KIAA1549L: variants seen among roughly 807,000 people sequenced by gnomAD.
KIAA1549L encodes UPF0606 protein KIAA1549L.
In KIAA1549L, 88 loss-of-function variants were observed where a neutral mutation model predicts 160.7. That is an observed-to-expected ratio of 0.55 (90% CI 0.46 to 0.65). The LOEUF is 0.65. Among genes scored for constraint, KIAA1549L ranks in the 30% least tolerant of loss-of-function variants. KIAA1549L has a pLI of 0.00. For missense variants in KIAA1549L, 2,258 were observed against 2,437.5 expected, an observed-to-expected ratio of 0.93 and a Z score of 1.55; for synonymous variants, 950 against 976.7, an observed-to-expected ratio of 0.97 and a Z score of 0.51.
chr11:33,421,331 T>G (rs1001012412), intron 1 of KIAA1549L, among the ~76,000 whole-genome samples: 10 of 152,214 alleles, frequency 6.6e-5, no homozygotes, highest in Non-Finnish European at 1.3e-4. Context: ...AGAGGAAAGC[T>G]CCCCTGGTGG....
rs1852549842 is a variant in KIAA1549L, at chr11:33,668,177, G to C, written c.*23G>C. On this transcript the variant is annotated 3_prime_UTR_variant, in exon 21 of 21. Transcript: ENST00000658780. ...TAACGCCTTAGCCCCGTGGGACTCT[G>C]GACTTCCAAACTCTGAGGACTCAGC... The C allele has an allele frequency of 1.2e-6, 2 of 1,601,710 alleles. No homozygotes were observed. Among genetic ancestry groups the C allele is most frequent in the African/African-American group, 1.3e-5 (1 of 74,672 alleles).
intron 13 of KIAA1549L, among the ~76,000 whole-genome samples, chr11:33,604,084 G>T (rs569639385): frequency 6.6e-6 from 1 of 152,284 alleles, no homozygotes; most frequent in African/African-American, 2.4e-5. Flanking sequence ...GAGGTGGAAG[G>T]TTGTTTAGAA....
intron 1 of KIAA1549L, among the ~76,000 whole-genome samples, chr11:33,523,837 T>C (rs1373999643): frequency 6.6e-6 from 1 of 152,238 alleles, no homozygotes; most frequent in Admixed American, 6.5e-5. Flanking sequence ...ATTGCACAGA[T>C]GTGATCACAG....
intron 11 of KIAA1549L, 56 bp from the exon 12 acceptor site, chr11:33,591,181 T>C (rs1020219860): frequency 9.1e-5 from 120 of 1,311,650 alleles, no homozygotes; most frequent in Non-Finnish European, 1.3e-4. Flanking sequence ...CTTAAAGCCA[T>C]GGTTAGAGTC....
chr11:33,552,855 A>G (rs1006261191), intron 6 of KIAA1549L, among the ~76,000 whole-genome samples: 1 of 152,238 alleles, frequency 6.6e-6, no homozygotes, highest in East Asian at 1.9e-4. Flanking sequence ...AACTTCCAGA[A>G]GGTCACACGG....
chr11:33,662,858 A>G (rs1852313014), intron 20 of KIAA1549L, among the ~76,000 whole-genome samples: 1 of 152,186 alleles, frequency 6.6e-6, no homozygotes, highest in Non-Finnish European at 1.5e-5. Context: ...GCAAATGGAA[A>G]TGTAACCTTC....
At chr11:33,526,340 C>A (rs192112019) in intron 1 of KIAA1549L, among the ~76,000 whole-genome samples, 16 of 152,350 alleles carry the variant, frequency 1.1e-4, no homozygotes, top group Non-Finnish European at 1.9e-4. Flanking sequence ...CATGTGACAA[C>A]TTCACTGCTA....
intron 1 of KIAA1549L, among the ~76,000 whole-genome samples, chr11:33,499,643 C>T (rs1852899204): frequency 6.6e-6 from 1 of 152,218 alleles, no homozygotes; most frequent in African/African-American, 2.4e-5. Context: ...TTTGGATCAA[C>T]TTGTAGGACC....
intron 1 of KIAA1549L, among the ~76,000 whole-genome samples, chr11:33,408,971 A>AAAAAAAC (rs1850731764): frequency 6.7e-6 from 1 of 149,158 alleles, no homozygotes; most frequent in Non-Finnish European, 1.5e-5. Context: ...AAAAAAAAAA[A>AAAAAAAC]TTAGGTATCC....
At chr11:33,413,061 G>A (rs1850815017) in intron 1 of KIAA1549L, among the ~76,000 whole-genome samples, 1 of 152,074 alleles carries the variant, frequency 6.6e-6, no homozygotes, top group African/African-American at 2.4e-5. Flanking sequence ...AGCCAGGTCT[G>A]GGGAACATGA....
At chr11:33,655,923 GT>G in intron 17 of KIAA1549L, 88 bp from the exon 18 acceptor site, 2 of 857,800 alleles carry the variant, frequency 2.3e-6, no homozygotes, top group Non-Finnish European at 3.9e-6. Flanking sequence ...ACCCTTGGAA[GT>G]TTGCTTCCTC....
intron 12 of KIAA1549L, among the ~76,000 whole-genome samples, chr11:33,595,693 T>C (rs892634001): frequency 1.3e-5 from 2 of 152,218 alleles, no homozygotes; most frequent in Non-Finnish European, 2.9e-5. Context: ...AAACCCGTTA[T>C]GAATCTTATG....
intron 17 of KIAA1549L, among the ~76,000 whole-genome samples, chr11:33,653,533 C>T (rs576212157): frequency 1.3e-5 from 2 of 152,302 alleles, no homozygotes; most frequent in South Asian, 4.1e-4. Flanking sequence ...CTTTTAAGAT[C>T]TCTTTGCCTT....
At chr11:33,601,078 A>C (rs117514717) in intron 13 of KIAA1549L, among the ~76,000 whole-genome samples, 1 of 152,254 alleles carries the variant, frequency 6.6e-6, no homozygotes, top group Non-Finnish European at 1.5e-5. Context: ...CTTAGAAATA[A>C]AACAGGTGGG....
intron 1 of KIAA1549L, among the ~76,000 whole-genome samples, chr11:33,409,186 C>T (rs1349468829): frequency 6.6e-6 from 1 of 151,988 alleles, no homozygotes. Context: ...AAAACTGGGC[C>T]TTGGTCCCTA....
intron 1 of KIAA1549L, among the ~76,000 whole-genome samples, chr11:33,507,041 C>A (rs1293441407): frequency 6.6e-6 from 1 of 152,066 alleles, no homozygotes; most frequent in Non-Finnish European, 1.5e-5. Flanking sequence ...GCCACTCAGT[C>A]CAGGGAAAAT....
intron 18 of KIAA1549L, among the ~76,000 whole-genome samples, chr11:33,657,157 A>AG (rs60463747): frequency 0.38 from 57,867 of 151,758 alleles, 11,329 homozygotes; most frequent in East Asian, 0.5. Context: ...GCAGAGAGGG[A>AG]GGAAGGGAGA....
At chr11:33,585,906 A>G (rs1000317971) in intron 11 of KIAA1549L, among the ~76,000 whole-genome samples, 6 of 152,186 alleles carry the variant, frequency 3.9e-5, no homozygotes, top group African/African-American at 1.4e-4. Flanking sequence ...GATTGAATTC[A>G]CTTGTGTGCG....
rs536339527 is a variant in KIAA1549L, at chr11:33,542,691, G to A, written c.1128G>A (p.Met376Ile). 8 of 1,613,962 alleles carry A rather than the reference G, an allele frequency of 5.0e-6. No individual in the cohort carries two copies. In the South Asian group the frequency reaches 6.6e-5, roughly 13 times the overall value. ...QLPDGSPSWS[M>I]LEVASGPAST... ...CAGATGGAAGCCCCTCATGGTCAAT[G>A]TTGGAAGTGGCTTCAGGTCCTGCAT... Residue 376 changes from methionine to isoleucine, a missense_variant, in exon 2 of 21, where the codon ATG becomes ATA. Physicochemically the swap from Met to Ile is conservative, Grantham distance 10 (BLOSUM62 1). Transcript: ENST00000658780.
Sources: allele counts gnomAD v4.1 joint callset (sites outside exome capture counted in the v4.1 genomes callset), GRCh38; gene constraint gnomAD v4.1.1; transcripts MANE v1.5; gene names NCBI Gene and HGNC (gene_info 2026-07-23, HGNC 2026-07-21).